Variants in GALNTL5 observed in about 807,000 individuals in gnomAD.
GALNTL5 encodes polypeptide N-acetylgalactosaminyltransferase like 5.
Under a neutral mutation model 51.0 loss-of-function variants are expected in GALNTL5, and 44 were observed. The ratio of observed to expected loss-of-function variants is 0.86; its 90% CI spans 0.68 to 1.11. The LOEUF (loss-of-function observed/expected upper bound fraction) is 1.11. GALNTL5 is among the 50% of genes least tolerant of loss of function. The pLI, the probability that GALNTL5 is intolerant of heterozygous loss-of-function variation, is 0.00. For missense variants in GALNTL5, 528 were observed against 531.8 expected, an observed-to-expected ratio of 0.99 and a Z score of 0.07; for synonymous variants, 192 against 182.8, an observed-to-expected ratio of 1.05 and a Z score of -0.41.
chr7:151,969,930 C>G (rs866166555), intron 2 of GALNTL5, among the ~76,000 whole-genome samples: 1 of 152,232 alleles, frequency 6.6e-6, no homozygotes, highest in South Asian at 2.1e-4. Flanking sequence ...CCTCAGCCTC[C>G]CGAGTAGCTG....
chr7:151,956,989 T>C (rs1407111587), intron 1 of GALNTL5, among the ~76,000 whole-genome samples: 2 of 151,976 alleles, frequency 1.3e-5, no homozygotes, highest in Non-Finnish European at 2.9e-5. Flanking sequence ...ATTAAGATGG[T>C]CCTAGGAAAG....
At chr7:151,960,308 A>G (rs906231834) in intron 1 of GALNTL5, 3 of 152,296 alleles carry the variant, frequency 2.0e-5, no homozygotes, top group African/African-American at 7.2e-5. Flanking sequence ...ACAGCCAGTG[A>G]GATTTTAACA....
chr7:151,986,129 G>C (rs996497409), intron 4 of GALNTL5: 1 of 152,138 alleles, frequency 6.6e-6, no homozygotes. Flanking sequence ...CCTCATACCA[G>C]AGTACTGCCG....
intron 2 of GALNTL5, among the ~76,000 whole-genome samples, chr7:151,969,963 C>T (rs1196877412): frequency 3.0e-5 from 4 of 131,598 alleles, no homozygotes; most frequent in Non-Finnish European, 4.9e-5. Context: ...CCAGCCGCCA[C>T]GCCTGGCTAT....
chr7:151,991,044 A>T (rs1400341347), intron 5 of GALNTL5, among the ~76,000 whole-genome samples: 1 of 152,114 alleles, frequency 6.6e-6, no homozygotes, highest in Non-Finnish European at 1.5e-5. Context: ...TGTTCAAAAA[A>T]ATTCTTCCTT....
At chr7:151,965,607 G>A (rs888852309) in intron 1 of GALNTL5, among the ~76,000 whole-genome samples, 1 of 152,136 alleles carries the variant, frequency 6.6e-6, no homozygotes, top group Non-Finnish European at 1.5e-5. Context: ...GGCTGGACAT[G>A]GTGGCTCACA....
chr7:151,957,536 G>A lies in GALNTL5; in HGVS notation c.-40+927G>A, dbSNP rs145790726. On this transcript the variant is annotated intron_variant, in intron 1 of 8. Coordinates refer to ENST00000392800, the MANE Select transcript of GALNTL5 (RefSeq NM_145292.4). ...TGCACCCCAACCTGGGCAGCAGAGC[G>A]AGACCCTGTCTCAAAAAAAAAAAAG... Among the ~76,000 whole-genome samples, 231 of 145,292 alleles carry A rather than the reference G, an allele frequency of 1.6e-3. 1 individual carries two copies. The highest frequency in any genetic ancestry group is 5.3e-3 in the African/African-American group (206 of 39,234).
intron 3 of GALNTL5, among the ~76,000 whole-genome samples, chr7:151,976,228 C>T (rs1203407104): frequency 6.6e-6 from 1 of 152,042 alleles, no homozygotes; most frequent in African/African-American, 2.4e-5. Context: ...TTAATATTTG[C>T]TTTATATATT....
chr7:152,013,355 G>T (rs1408258510), intron 7 of GALNTL5, among the ~76,000 whole-genome samples: 1 of 142,536 alleles, frequency 7.0e-6, no homozygotes, highest in African/African-American at 2.6e-5. Flanking sequence ...AAGTTGGAAA[G>T]AAAAAAAAAA....
At chr7:152,007,440 CAG>C (rs2081660295) in intron 6 of GALNTL5, among the ~76,000 whole-genome samples, 4 of 108,796 alleles carry the variant, frequency 3.7e-5, no homozygotes, top group African/African-American at 7.3e-5. Flanking sequence ...TTTTTTGAGA[CAG>C]AGTCTGGCTC....
intron 6 of GALNTL5, among the ~76,000 whole-genome samples, chr7:152,004,738 A>G (rs1426633726): frequency 6.6e-6 from 1 of 152,242 alleles, no homozygotes; most frequent in East Asian, 1.9e-4. Flanking sequence ...TTCACTTAAG[A>G]TAATGGCCTC....
chr7:151,993,233 C>CAA (rs750087044), intron 5 of GALNTL5, among the ~76,000 whole-genome samples: 21 of 88,462 alleles, frequency 2.4e-4, no homozygotes, highest in African/African-American at 6.9e-4. Context: ...GACCATGTCT[C>CAA]AAAAAAAAAA....
intron 3 of GALNTL5, among the ~76,000 whole-genome samples, chr7:151,981,569 C>T (rs1386546176): frequency 3.5e-5 from 1 of 28,422 alleles, no homozygotes; most frequent in African/African-American, 1.4e-4. Context: ...TTCCTTCCTT[C>T]CTTCCTTCCT....
intron 5 of GALNTL5, among the ~76,000 whole-genome samples, chr7:151,990,468 C>T (rs2081412950): frequency 6.7e-6 from 1 of 148,508 alleles, no homozygotes; most frequent in Non-Finnish European, 1.5e-5. Context: ...GTAGTCCCAG[C>T]TACTCGGGAG....
chr7:151,975,424 A>G (rs2081193715), intron 3 of GALNTL5, among the ~76,000 whole-genome samples: 1 of 151,596 alleles, frequency 6.6e-6, no homozygotes, highest in Admixed American at 6.6e-5. Flanking sequence ...CTCTTCTTTC[A>G]CTTCTGGTCT....
At chr7:152,019,587 T>C in intron 8 of GALNTL5, 59 bp from the exon 9 acceptor site, 1 of 1,501,384 alleles carries the variant, frequency 6.7e-7, no homozygotes, top group Non-Finnish European at 9.1e-7. Flanking sequence ...GATATAATCA[T>C]TTGATCAGCA....
chr7:151,996,555 C>A (rs1226517319), intron 5 of GALNTL5, among the ~76,000 whole-genome samples: 1 of 152,034 alleles, frequency 6.6e-6, no homozygotes, highest in African/African-American at 2.4e-5. Context: ...GCCTGGGAAA[C>A]ATGAGAAGAC....
chr7:151,981,432 G>T (rs924718476), intron 3 of GALNTL5, among the ~76,000 whole-genome samples: 5 of 152,144 alleles, frequency 3.3e-5, no homozygotes, highest in African/African-American at 1.2e-4. Flanking sequence ...CAGAGATAGA[G>T]AGTGTCCAGA....
At chr7:151,979,333 C>G (rs1375819604) in intron 3 of GALNTL5, among the ~76,000 whole-genome samples, 1 of 144,614 alleles carries the variant, frequency 6.9e-6, no homozygotes, top group Non-Finnish European at 1.5e-5. Context: ...CCAGGATGGT[C>G]TTGATCTCCT....
Sources: allele counts gnomAD v4.1 joint callset (sites outside exome capture counted in the v4.1 genomes callset), GRCh38; gene constraint gnomAD v4.1.1; transcripts MANE v1.5; gene names NCBI Gene and HGNC (gene_info 2026-07-23, HGNC 2026-07-21).